The following COX5A variants were observed in gnomAD, a reference collection of about 807,000 sequenced individuals.
COX5A encodes the protein cytochrome c oxidase subunit 5A.
COX5A carries 6 observed loss-of-function variants against 16.1 expected under a neutral mutation model. The observed-to-expected ratio is 0.37, with a 90% CI of 0.20 to 0.73. The LOEUF (loss-of-function observed/expected upper bound fraction) is 0.73, where lower values mean the gene tolerates loss of function less well. Among genes scored for constraint, COX5A ranks in the 30% least tolerant of loss-of-function variants. The pLI, the probability that COX5A is intolerant of heterozygous loss-of-function variation, is 0.50. For missense variants in COX5A, 159 were observed against 194.9 expected, an observed-to-expected ratio of 0.82 and a Z score of 1.10; for synonymous variants, 73 against 73.8, an observed-to-expected ratio of 0.99 and a Z score of 0.06.
intron 4 of COX5A, 157 bp downstream of exon 4, chr15:74,923,491 T>C: frequency 1.9e-6 from 1 of 523,120 alleles, no homozygotes; most frequent in Non-Finnish European, 3.4e-6. Flanking sequence ...TTCAGTTCTT[T>C]AAATTTACCA....
In COX5A at chr15:74,937,939, C is replaced by T; in HGVS notation, c.76G>A (p.Ala26Thr). The T allele has an allele frequency of 8.1e-7, 1 of 1,232,296 alleles. No individual in the cohort carries two copies. Among genetic ancestry groups the T allele is most frequent in the Non-Finnish European group, 1.0e-6 (1 of 987,182 alleles). The allele number at this position is 1,232,296 out of a possible 1,614,324, so 76.3% of individuals were successfully genotyped here. A position where few individuals can be genotyped will look rare whatever the true frequency, so the allele number is the denominator to read the frequency against. Residue 26 changes from alanine (A) to threonine (T), a missense_variant, in exon 1 of 5, where the codon GCC (alanine) becomes ACC (threonine). Physicochemically the swap from Ala to Thr is moderately conservative, Grantham distance 58. Transcript: ENST00000322347. ...RADPRGLLHS[A>T]RTPGPAVAIQ... ...CCCACGGCGGGGCCGGGGGTCCGGG[C>T]GGAGTGCAGGAGGCCTCGAGGGTCG... is the stretch of plus-strand genomic sequence containing the variant.
Position 74,938,050 on chromosome 15 carries a change from G to A in COX5A, c.-36C>T, listed in dbSNP as rs971391428. On this transcript the variant is annotated 5_prime_UTR_variant, in exon 1 of 5. Transcript: ENST00000322347. ...GCGGCGCGCGGGCTGAGGACAGAGA[G>A]AAGCCGGTGTAAGCTCGCGGGTTGC... is the stretch of plus-strand genomic sequence containing the variant. The A allele has an allele frequency of 1.7e-6, 2 of 1,209,434 alleles. No individual in the cohort carries two copies. Among genetic ancestry groups the A allele is most frequent in the Non-Finnish European group, 2.1e-6 (2 of 968,592 alleles). 74.9% of individuals were successfully genotyped at this position (1,209,434 alleles called of 1,614,324 possible).
rs375830469 is a variant in COX5A at position 74,929,188 on chromosome 15, C to G, written c.145G>C (p.Asp49His). Residue 49 changes from aspartate (D) to histidine (H), a missense_variant, in exon 2 of 5, where the codon GAT (aspartate) becomes CAT (histidine). Transcript: ENST00000322347. ...RCYSHGSQET[D>H]EEFDARWVTY... ...ACCCAGCGAGCATCAAACTCCTCAT[C>G]TGTCTCCTGTGACCCATGGGAATAG... is the stretch of plus-strand genomic sequence containing the variant. The G allele has an allele frequency of 2.4e-4, 391 of 1,614,060 alleles. 2 individuals carry two copies. The highest frequency in any genetic ancestry group is 3.1e-4 in the Non-Finnish European group (369 of 1,180,008).
intron 1 of COX5A, among the ~76,000 whole-genome samples, chr15:74,932,917 C>T (rs1175470535): frequency 6.6e-6 from 1 of 151,364 alleles, no homozygotes; most frequent in Non-Finnish European, 1.5e-5. Context: ...AGGCTGGTCT[C>T]GAACTCTTGA....
intron 3 of COX5A, among the ~76,000 whole-genome samples, chr15:74,925,234 C>G (rs189913371): frequency 6.6e-6 from 1 of 151,740 alleles, no homozygotes; most frequent in African/African-American, 2.4e-5. Flanking sequence ...CAGGAGACCT[C>G]GGAGGTTGCA....
At chr15:74,937,769 G>A in intron 1 of COX5A, 146 bp downstream of exon 1, 1 of 454,944 alleles carries the variant, frequency 2.2e-6, no homozygotes. Context: ...ACTCGAGGCG[G>A]CGGGCAGGGC....
intron 1 of COX5A, among the ~76,000 whole-genome samples, chr15:74,933,686 T>A (rs1020969308): frequency 5.3e-5 from 8 of 152,218 alleles, no homozygotes; most frequent in African/African-American, 1.7e-4. Context: ...CAGTTTCTTA[T>A]CAAGTTAAAC....
chr15:74,925,093 C>T (rs559997851), intron 3 of COX5A, among the ~76,000 whole-genome samples: 31 of 152,214 alleles, frequency 2.0e-4, no homozygotes, highest in South Asian at 1.7e-3. Flanking sequence ...GAGGCTGAGG[C>T]GGGCGGATCA....
intron 1 of COX5A, among the ~76,000 whole-genome samples, chr15:74,934,048 C>T (rs1253286951): frequency 6.6e-6 from 1 of 152,092 alleles, no homozygotes; most frequent in Non-Finnish European, 1.5e-5. Flanking sequence ...CGCTTGATGC[C>T]AGGACTGAGA....
intron 1 of COX5A, among the ~76,000 whole-genome samples, chr15:74,932,356 T>C (rs752066669): frequency 4.3e-5 from 6 of 140,314 alleles, no homozygotes; most frequent in Non-Finnish European, 7.6e-5. Flanking sequence ...GGTCTTGATA[T>C]GTTGCCCAGG....
intron 1 of COX5A, among the ~76,000 whole-genome samples, chr15:74,931,016 CAAAAAA>C (rs61417867): frequency 1.7e-4 from 4 of 23,718 alleles, no homozygotes; most frequent in Admixed American, 6.2e-4. Flanking sequence ...GACTCTGTCT[CAAAAAA>C]AAAAAAAAAA....
rs778737237 is a variant in COX5A, at chr15:74,923,675, C to T, written c.435G>A (p.Leu145=). The change falls in exon 4 of 5, where the codon CTG becomes CTA. Residue 145 remains leucine (L), a synonymous_variant. Coordinates refer to ENST00000322347, the MANE Select transcript of COX5A (RefSeq NM_004255.4). ...ATGCGGTTTACACTTTGTCAAGGCC[C>T]AGTTCCTCCGGAGTGGAGATTCCCA... ...NELGISTPEE[L]GLDKV 6.2e-7 allele frequency: 1 copy of T among 1,610,488 alleles called. No homozygotes were observed. Among genetic ancestry groups the T allele is most frequent in the South Asian group, 1.1e-5 (1 of 90,954 alleles).
chr15:74,933,662 G>C (rs1412695025), intron 1 of COX5A, among the ~76,000 whole-genome samples: 1 of 152,124 alleles, frequency 6.6e-6, no homozygotes, highest in Non-Finnish European at 1.5e-5. Context: ...AATCACTTTG[G>C]AAGACGGTTT....
At chr15:74,934,097 C>CA (rs924465931) in intron 1 of COX5A, among the ~76,000 whole-genome samples, 3 of 152,098 alleles carry the variant, frequency 2.0e-5, no homozygotes, top group African/African-American at 4.8e-5. Flanking sequence ...CCATTCTCCA[C>CA]AAAAAACTTA....
intron 3 of COX5A, among the ~76,000 whole-genome samples, chr15:74,924,987 T>G (rs2065337002): frequency 6.6e-6 from 1 of 152,218 alleles, no homozygotes. Flanking sequence ...ACACCTGTGC[T>G]GTCACAAGGT....
intron 1 of COX5A, among the ~76,000 whole-genome samples, chr15:74,935,959 A>G (rs1221253489): frequency 6.6e-6 from 1 of 152,102 alleles, no homozygotes; most frequent in Non-Finnish European, 1.5e-5. Flanking sequence ...TGGCCCAAAC[A>G]TAACTATAAG....
chr15:74,937,844 C>G (rs969808601), intron 1 of COX5A, 71 bp downstream of exon 1: 37 of 972,018 alleles, frequency 3.8e-5, no homozygotes, highest in Admixed American at 8.6e-5. Flanking sequence ...GAGCCCGCCC[C>G]GGAGTGGCAG....
chr15:74,922,721 A>G (rs1343325004), intron 4 of COX5A, among the ~76,000 whole-genome samples: 1 of 148,072 alleles, frequency 6.8e-6, no homozygotes, highest in Non-Finnish European at 1.5e-5. Flanking sequence ...GCTGGAGTAC[A>G]GTGACACAGT....
chr15:74,937,014 G>A (rs2065393923), intron 1 of COX5A, among the ~76,000 whole-genome samples: 1 of 152,130 alleles, frequency 6.6e-6, no homozygotes, highest in African/African-American at 2.4e-5. Context: ...ATAGTTGCCA[G>A]TGATGCAGGT....
Sources: gnomAD v4.1 joint callset for allele counts (sites outside exome capture counted in the v4.1 genomes callset) on GRCh38, gnomAD v4.1.1 for gene constraint, MANE v1.5 for transcripts, NCBI Gene and HGNC (gene_info 2026-07-23, HGNC 2026-07-21) for gene names.